HMGN5: variants seen among roughly 807,000 people sequenced by gnomAD.
The protein encoded by HMGN5 is high mobility group nucleosome-binding domain-containing protein 5.
HMGN5 carries 4 observed loss-of-function variants against 9.5 expected under a neutral mutation model. The observed-to-expected ratio is 0.42, with a 90% CI of 0.21 to 0.96. The LOEUF is 0.96. Ranked by LOEUF, HMGN5 falls within the 40% of genes least tolerant of loss-of-function variation. HMGN5 has a pLI of 0.30. For synonymous variants in HMGN5, 55 were observed against 57.1 expected, an observed-to-expected ratio of 0.96 and a Z score of 0.16; for missense variants, 192 against 187.5, an observed-to-expected ratio of 1.02 and a Z score of -0.14.
At chrX:81,143,236 A>G (rs2075334369) in intron 1 of HMGN5, among the ~76,000 whole-genome samples, 1 of 111,942 alleles carries the variant, frequency 8.9e-6, no homozygotes, top group East Asian at 2.8e-4. Flanking sequence ...ACACCAAGAA[A>G]CAACCAGAAA....
chrX:81,134,904 A>G (rs1411958273), intron 1 of HMGN5, among the ~76,000 whole-genome samples: 1 of 111,717 alleles, frequency 9.0e-6, no homozygotes, highest in Non-Finnish European at 1.9e-5. Context: ...ACACTGGAAG[A>G]GTGAAAACCA....
intron 5 of HMGN5, among the ~76,000 whole-genome samples, chrX:81,116,950 C>A (rs1000724964): frequency 1.8e-5 from 2 of 110,632 alleles, no homozygotes; most frequent in African/African-American, 6.6e-5. Context: ...GATTGAGGGG[C>A]CGGAAAACCT....
At chrX:81,186,436 T>G (rs1050732321) in intron 1 of HMGN5, among the ~76,000 whole-genome samples, 2 of 112,032 alleles carry the variant, frequency 1.8e-5, no homozygotes, top group Non-Finnish European at 3.8e-5. Context: ...TTGAAATTCT[T>G]CAGTATCAAT....
At chrX:81,195,627 C>T (rs2075505949) in intron 1 of HMGN5, among the ~76,000 whole-genome samples, 1 of 111,380 alleles carries the variant, frequency 9.0e-6, no homozygotes, top group South Asian at 3.8e-4. Flanking sequence ...CCAATGATAA[C>T]CAAATTTATT....
At chrX:81,192,265 A>G (rs984966105) in intron 1 of HMGN5, among the ~76,000 whole-genome samples, 2 of 111,487 alleles carry the variant, frequency 1.8e-5, no homozygotes, top group Non-Finnish European at 3.8e-5. Flanking sequence ...CTTGAAATGT[A>G]CTCATCAAGC....
chrX:81,170,779 C>A (rs1278777237), intron 1 of HMGN5, among the ~76,000 whole-genome samples: 1 of 111,253 alleles, frequency 9.0e-6, no homozygotes, highest in Admixed American at 9.6e-5. Flanking sequence ...AAGAAAACAT[C>A]ATAATTATGT....
At chrX:81,174,273 A>G (rs2075435073) in intron 1 of HMGN5, among the ~76,000 whole-genome samples, 1 of 111,248 alleles carries the variant, frequency 9.0e-6, no homozygotes, top group South Asian at 3.7e-4. Context: ...CAGAATTTCA[A>G]GAATTAATTT....
At chrX:81,170,951 T>G (rs1301042475) in intron 1 of HMGN5, among the ~76,000 whole-genome samples, 2 of 110,933 alleles carry the variant, frequency 1.8e-5, no homozygotes, top group East Asian at 5.7e-4. Flanking sequence ...GTGATAGAAT[T>G]GTATTTGCCA....
chrX:81,162,294 TA>T (rs1182727561), intron 1 of HMGN5, among the ~76,000 whole-genome samples: 6 of 104,249 alleles, frequency 5.8e-5, no homozygotes, highest in African/African-American at 2.1e-4. Flanking sequence ...AGGTTGGACT[TA>T]AAAGGATAGA....
intron 1 of HMGN5, among the ~76,000 whole-genome samples, chrX:81,186,815 T>C (rs1185370879): frequency 9.0e-6 from 1 of 111,521 alleles, no homozygotes; most frequent in Admixed American, 9.6e-5. Context: ...ATTTGAAGTA[T>C]TTTTTTATGT....
chrX:81,193,787 A>G (rs181079833), intron 1 of HMGN5, among the ~76,000 whole-genome samples: 1 of 112,337 alleles, frequency 8.9e-6, no homozygotes, highest in East Asian at 2.8e-4. Context: ...AGGTCAACAT[A>G]CTATAATCAA....
intron 1 of HMGN5, among the ~76,000 whole-genome samples, chrX:81,176,558 C>T (rs1408540105): frequency 9.0e-6 from 1 of 111,363 alleles, no homozygotes; most frequent in Non-Finnish European, 1.9e-5. Context: ...AGACGAATGG[C>T]TAACTAGAAT....
chrX:81,161,988 G>T (rs2075398722), intron 1 of HMGN5, among the ~76,000 whole-genome samples: 1 of 111,314 alleles, frequency 9.0e-6, no homozygotes, highest in South Asian at 3.8e-4. Context: ...ATCAAAAAAG[G>T]CTCTGTGCTA....
intron 1 of HMGN5, among the ~76,000 whole-genome samples, chrX:81,180,023 T>C (rs113417880): frequency 1.1e-4 from 12 of 111,442 alleles, no homozygotes; most frequent in Non-Finnish European, 1.5e-4. Context: ...AAACTGGATC[T>C]CTTCCTTACA....
chrX:81,160,323 T>G lies in HMGN5; in HGVS notation c.-123-38651A>C, dbSNP rs753536885. On this transcript the variant is annotated intron_variant, in intron 1 of 6. Transcript: ENST00000358130. ...GTAATGTCCAGAGGCAAATAACTTG[T>G]GTGCAGACTTCTTTTTTCTTTTTCT... Among the ~76,000 whole-genome samples the G allele has an allele frequency of 7.6e-4, 85 of 112,032 alleles. 1 individual carries two copies. The highest frequency in any genetic ancestry group is 1.5e-3 in the Non-Finnish European group (79 of 53,225).
At chrX:81,141,955 A>G (rs1027015995) in intron 1 of HMGN5, among the ~76,000 whole-genome samples, 16 of 112,232 alleles carry the variant, frequency 1.4e-4, no homozygotes, top group Admixed American at 3.8e-4. Context: ...AAAGAAATTT[A>G]AGATAACACA....
At chrX:81,198,506 G>C (rs1034151087) in intron 1 of HMGN5, among the ~76,000 whole-genome samples, 8 of 111,242 alleles carry the variant, frequency 7.2e-5, no homozygotes, top group African/African-American at 2.6e-4. Context: ...GAATCTAGCA[G>C]TACATCAAAA....
intron 1 of HMGN5, among the ~76,000 whole-genome samples, chrX:81,188,284 T>TTATTATTATTAG (rs921333239): frequency 2.0e-5 from 2 of 102,266 alleles, no homozygotes; most frequent in Non-Finnish European, 3.9e-5. Context: ...ATTATTATTA[T>TTATTATTATTAG]TATTATTATT....
chrX:81,190,374 C>T, intron 1 of HMGN5, among the ~76,000 whole-genome samples: 1 of 110,493 alleles, frequency 9.1e-6, no homozygotes, highest in Non-Finnish European at 1.9e-5. Context: ...TTTTTATCTG[C>T]ACTATATTCA....
Sources: allele counts gnomAD v4.1 joint callset (sites outside exome capture counted in the v4.1 genomes callset), GRCh38; gene constraint gnomAD v4.1.1; transcripts MANE v1.5; gene names NCBI Gene and HGNC (gene_info 2026-07-23, HGNC 2026-07-21).